Variants in COQ8A observed in about 807,000 individuals in gnomAD.
COQ8A encodes atypical kinase COQ8A, mitochondrial.
Under a neutral mutation model 65.0 loss-of-function variants are expected in COQ8A, and 51 were observed. The ratio of observed to expected loss-of-function variants is 0.78; its 90% CI spans 0.63 to 0.99. The LOEUF (loss-of-function observed/expected upper bound fraction) is 0.99. Ranked by LOEUF, COQ8A falls within the 50% of genes least tolerant of loss-of-function variation. The probability of loss-of-function intolerance (pLI) is 0.00; values close to 1 mark genes in which losing one functional copy is unlikely to be tolerated. For synonymous variants in COQ8A, 371 were observed against 353.2 expected (o/e 1.05, Z -0.57); for missense variants, 940 against 875.0 (o/e 1.07, Z -0.94).
At chr1:226,961,693 GT>G in intron 2 of COQ8A, 131 bp downstream of exon 2, 1 of 1,127,644 alleles carries the variant, frequency 8.9e-7, no homozygotes, top group Non-Finnish European at 1.2e-6. Context: ...ACCAGCTAAT[GT>G]GTCCCACGGT....
rs1194637446 is a variant in COQ8A at position 226,972,854 on chromosome 1, A to G, written c.656-4595A>G. 6.6e-6 allele frequency among the ~76,000 whole-genome samples: 1 copy of G among 152,264 alleles called. No homozygotes were observed. Among genetic ancestry groups the G allele is most frequent in the African/African-American group, 2.4e-5 (1 of 41,472 alleles). On this transcript the variant is annotated intron_variant, in intron 4 of 14. Coordinates refer to ENST00000366777, the MANE Select transcript of COQ8A (RefSeq NM_020247.5). The surrounding 1 kb of genome is among the most constrained non-coding windows in gnomAD (Gnocchi z 4.3). ...TTTATCTTTTCAAAAGGACATTTTA[A>G]CAGTGCAAAAGTATAAAGTACGTGC...
In COQ8A at chr1:226,970,025, G is replaced by A. The variant is rs967872030; in HGVS notation, c.655+4288G>A. ...TCGGTCACCCAGGCTGGAGTGCAGC[G>A]GCGTGATCTCGGCTCACAGCAACCT... On this transcript the variant is annotated intron_variant, in intron 4 of 14. Coordinates refer to ENST00000366777, the MANE Select transcript of COQ8A (RefSeq NM_020247.5). Among the ~76,000 whole-genome samples, 12 of 152,182 alleles carry A rather than the reference G, an allele frequency of 7.9e-5. No individual in the cohort carries two copies. The South Asian group carries it at 1.2e-3, about 16-fold the overall frequency.
chr1:226,945,410 A>C (rs1325551265), intron 1 of COQ8A, among the ~76,000 whole-genome samples: 2 of 152,230 alleles, frequency 1.3e-5, no homozygotes, highest in African/African-American at 4.8e-5. Flanking sequence ...GTTAAAGTTC[A>C]AGCTCAGAGC....
chr1:226,982,728 CAGAGCGCGGACTTCA>C lies in COQ8A; in HGVS notation c.905_919del (p.Gln302_Met307delinsLeu). On this transcript the variant is annotated inframe_deletion, in exon 7 of 15. Coordinates refer to ENST00000366777, the MANE Select transcript of COQ8A (RefSeq NM_020247.5). ...GGCTAAGATCTTCGAGCGGGTGCGG[CAGAGCGCGGACTTCA>C]TGCCACTGAAGCAGATGATGGTGAG... 2 of 1,613,738 alleles carry C rather than the reference CAGAGCGCGGACTTCA, an allele frequency of 1.2e-6. No individual in the cohort carries two copies. Among genetic ancestry groups the C allele is most frequent in the Non-Finnish European group, 1.7e-6 (2 of 1,180,022 alleles).
At chr1:226,985,555 G>T (rs1252899964) in intron 14 of COQ8A, among the ~76,000 whole-genome samples, 2 of 152,194 alleles carry the variant, frequency 1.3e-5, no homozygotes, top group African/African-American at 4.8e-5. Context: ...GGGACTTGTC[G>T]TGAAGCTCTT....
intron 1 of COQ8A, among the ~76,000 whole-genome samples, chr1:226,958,772 C>T (rs1558185961): frequency 6.6e-6 from 1 of 152,160 alleles, no homozygotes; most frequent in Non-Finnish European, 1.5e-5. Context: ...CACACGGAGG[C>T]CTTCAGGAGG....
intron 2 of COQ8A, among the ~76,000 whole-genome samples, chr1:226,964,108 T>G (rs1008468097): frequency 2.6e-5 from 4 of 152,204 alleles, no homozygotes; most frequent in African/African-American, 4.8e-5. Flanking sequence ...CAGCAGAACG[T>G]GAGGCTTGGG....
intron 1 of COQ8A, among the ~76,000 whole-genome samples, 200 bp from the exon 2 acceptor site, chr1:226,961,177 G>T (rs923092194): frequency 1.3e-5 from 2 of 152,192 alleles, no homozygotes; most frequent in Non-Finnish European, 2.9e-5. Flanking sequence ...CCTTTATTCT[G>T]CTCCATTCCC....
intron 1 of COQ8A, among the ~76,000 whole-genome samples, chr1:226,947,069 G>C (rs187420883): frequency 6.6e-6 from 1 of 152,358 alleles, no homozygotes; most frequent in East Asian, 1.9e-4. Context: ...GATGGCCTTT[G>C]AGAGCCCAGC....
Position 226,961,458 on chromosome 1 carries a change from A to C in COQ8A, c.73A>C (p.Thr25Pro). The stretch of plus-strand genomic sequence containing the variant: ...CAAGCTGACCCAGGCGGCCGTGGAA[A>C]CCCACCTGCAGCACTTGGGCATCGG... ...LVKLTQAAVETHLQHLGIGGE... is the reference protein window; with the variant it reads ...LVKLTQAAVEPHLQHLGIGGE... The change falls in exon 2 of 15, where the codon ACC (threonine) becomes CCC (proline). Residue 25 changes from threonine to proline, a missense_variant. Transcript: ENST00000366777. The C allele has an allele frequency of 6.2e-7, 1 of 1,613,764 alleles. No homozygotes were observed. The highest frequency in any genetic ancestry group is 1.1e-5 in the South Asian group (1 of 91,082).
intron 10 of COQ8A, 26 bp from the exon 11 acceptor site, chr1:226,984,068 G>C: frequency 6.2e-7 from 1 of 1,611,994 alleles, no homozygotes; most frequent in Non-Finnish European, 8.5e-7. Flanking sequence ...CCTGTGGCTA[G>C]GGCGTGACCT....
At position 226,986,544 on chromosome 1, in the gene COQ8A, C is replaced by T. The variant is rs779649324; in HGVS notation, c.1751C>T (p.Thr584Ile). Residue 584 changes from threonine to isoleucine, a missense_variant, in exon 15 of 15, where the codon ACC becomes ATC. Thr to Ile is a moderately conservative substitution (Grantham distance 89). Coordinates refer to ENST00000366777, the MANE Select transcript of COQ8A (RefSeq NM_020247.5). ...EPFDFGTQST[T>I]EKIHNLIPVM... Reference sequence around the variant, plus strand: ...TTTGATTTTGGCACTCAGAGCACCACCGAGAAGATCCACAACCTGATTCCC... The same window carrying T: ...TTTGATTTTGGCACTCAGAGCACCATCGAGAAGATCCACAACCTGATTCCC... The T allele has an allele frequency of 1.9e-6, 3 of 1,613,914 alleles. No individual in the cohort carries two copies. The highest frequency in any genetic ancestry group is 2.5e-6 in the Non-Finnish European group (3 of 1,180,022).
chr1:226,954,316 G>A (rs1047123805), intron 1 of COQ8A, among the ~76,000 whole-genome samples: 1 of 152,260 alleles, frequency 6.6e-6, no homozygotes, highest in African/African-American at 2.4e-5. Context: ...TTCAGGGGGA[G>A]ACTCTTAGGA....
Position 226,984,534 on chromosome 1 carries a change from C to T in COQ8A, c.1399-14C>T, listed in dbSNP as rs148742677. On this transcript the variant is annotated splice_polypyrimidine_tract_variant and intron_variant, in intron 11 of 14. Coordinates refer to ENST00000366777, the MANE Select transcript of COQ8A (RefSeq NM_020247.5). ...GTGGTGCTGCCTGACACAGACCCTT[C>T]GCGCTGTCCACAGATCTGCTACAAC... is the stretch of plus-strand genomic sequence containing the variant. The T allele has an allele frequency of 4.0e-5, 64 of 1,602,706 alleles. 1 individual carries two copies. The highest frequency in any genetic ancestry group is 3.0e-4 in the South Asian group (27 of 90,922).
In COQ8A at chr1:226,984,134, A is replaced by C; in HGVS notation, c.1297A>C (p.Ile433Leu). The C allele has an allele frequency of 6.2e-7, 1 of 1,613,700 alleles. No homozygotes were observed. Among genetic ancestry groups the C allele is most frequent in the Non-Finnish European group, 8.5e-7 (1 of 1,179,968 alleles). Residue 433 changes from isoleucine (I) to leucine (L), a missense_variant, in exon 11 of 15, where the codon ATT becomes CTT. Transcript: ENST00000366777. ...KGHPFFYVPE[I>L]VDELCSPHVL... ...CCACCCCTTCTTCTATGTGCCTGAGATTGTGGATGAGCTCTGCAGCCCACA... is the reference window on the plus strand; with the variant it reads ...CCACCCCTTCTTCTATGTGCCTGAGCTTGTGGATGAGCTCTGCAGCCCACA...
intron 2 of COQ8A, 144 bp from the exon 3 acceptor site, chr1:226,964,856 G>T: frequency 1.1e-6 from 1 of 911,652 alleles, no homozygotes; most frequent in Non-Finnish European, 1.7e-6. Flanking sequence ...AAGGGTGCCG[G>T]GCCTCAGGTG....
At chr1:226,986,031 G>A (rs1042936822) in intron 14 of COQ8A, among the ~76,000 whole-genome samples, 6 of 152,184 alleles carry the variant, frequency 3.9e-5, no homozygotes, top group Admixed American at 2.6e-4. Flanking sequence ...TGCTGGCGGC[G>A]GCTTCCTTAG....
At chr1:226,981,588 G>A (rs536567759) in intron 5 of COQ8A, among the ~76,000 whole-genome samples, 11 of 152,330 alleles carry the variant, frequency 7.2e-5, no homozygotes, top group African/African-American at 2.4e-4. Context: ...CAGGTGCAGC[G>A]GGCCTTTGTG....
chr1:226,951,585 G>C (rs371144771), intron 1 of COQ8A, among the ~76,000 whole-genome samples: 2 of 152,078 alleles, frequency 1.3e-5, no homozygotes, highest in Non-Finnish European at 1.5e-5. Flanking sequence ...GAACTATAAT[G>C]GGGGGGTCCT....
Sources: allele counts gnomAD v4.1 joint callset (sites outside exome capture counted in the v4.1 genomes callset), GRCh38; gene constraint gnomAD v4.1.1; non-coding constraint Gnocchi (gnomAD v3.1); transcripts MANE v1.5; gene names NCBI Gene and HGNC (gene_info 2026-07-23, HGNC 2026-07-21).